The following CEP170 variants were observed in gnomAD, a reference collection of about 807,000 sequenced individuals.
CEP170 encodes centrosomal protein 170.
A neutral mutation model predicts 151.9 loss-of-function variants in CEP170; 21 were observed. That is an observed-to-expected ratio of 0.14 (90% CI 0.10 to 0.20). The LOEUF is 0.20. Ranked by LOEUF, CEP170 falls within the 10% of genes least tolerant of loss-of-function variation. The probability of loss-of-function intolerance (pLI) is 1.00; values close to 1 mark genes in which losing one functional copy is unlikely to be tolerated. For missense variants in CEP170, 964 were observed against 1,892.9 expected, an observed-to-expected ratio of 0.51 and a Z score of 9.11; for synonymous variants, 356 against 648.8, an observed-to-expected ratio of 0.55 and a Z score of 6.86.
At position 243,179,868 on chromosome 1, in the gene CEP170, A is replaced by G. The variant is rs543976272; in HGVS notation, c.1566+5911T>C. ...AATAAACCAGACGGAAGTGAGTTCT[A>G]TAAAGAAAACACAACATGGCAATCT... On this transcript the variant is annotated intron_variant, in intron 10 of 19. Transcript: ENST00000366542. 1.4e-4 allele frequency among the ~76,000 whole-genome samples: 21 copies of G among 152,382 alleles called. No individual in the cohort carries two copies. In the South Asian group the frequency reaches 3.3e-3, roughly 24 times the overall value.
chr1:243,176,050 C>T (rs1340372299), intron 10 of CEP170, among the ~76,000 whole-genome samples: 4 of 152,216 alleles, frequency 2.6e-5, no homozygotes, highest in Non-Finnish European at 1.5e-5. Flanking sequence ...CCTGCCTCAG[C>T]CTCCCAAAGT....
intron 1 of CEP170, among the ~76,000 whole-genome samples, chr1:243,238,284 T>C (rs2064445517): frequency 6.6e-6 from 1 of 151,936 alleles, no homozygotes; most frequent in African/African-American, 2.4e-5. Flanking sequence ...ACCCTGTCTC[T>C]ACAAAAAAAT....
rs1289651215 is a variant in CEP170, at chr1:243,126,229, A to G, written c.*220T>C. 1.5e-6 allele frequency: 1 copy of G among 659,108 alleles called. No homozygotes were observed. The highest frequency in any genetic ancestry group is 2.8e-6 in the Non-Finnish European group (1 of 355,892). 40.8% of individuals were successfully genotyped at this position (659,108 alleles called of 1,614,324 possible). On this transcript the variant is annotated 3_prime_UTR_variant, in exon 20 of 20. Transcript: ENST00000366542. ...AACCACAAAAGGCGACACTGCCACA[A>G]TCTGCTTTTTCCTATTTGTGCATCA...
chr1:243,209,654 T>C (rs2061648144), intron 4 of CEP170, among the ~76,000 whole-genome samples: 1 of 151,912 alleles, frequency 6.6e-6, no homozygotes, highest in South Asian at 2.1e-4. Context: ...AAATTACGTA[T>C]ATAATATAAT....
chr1:243,145,522 C>A (rs2056365397), intron 14 of CEP170, among the ~76,000 whole-genome samples: 1 of 152,258 alleles, frequency 6.6e-6, no homozygotes, highest in Non-Finnish European at 1.5e-5. Flanking sequence ...ATCCGCCCGC[C>A]TTGGTCTCCC....
At chr1:243,174,782 G>T (rs539391478) in intron 10 of CEP170, among the ~76,000 whole-genome samples, 9 of 152,140 alleles carry the variant, frequency 5.9e-5, no homozygotes, top group African/African-American at 2.2e-4. Context: ...TAACATTAGC[G>T]TTAAGTTTAA....
At chr1:243,232,836 C>T (rs1276125730) in intron 1 of CEP170, among the ~76,000 whole-genome samples, 1 of 152,208 alleles carries the variant, frequency 6.6e-6, no homozygotes, top group Non-Finnish European at 1.5e-5. Context: ...TGGTATCATT[C>T]TAAACCAGCA....
At chr1:243,172,645 A>G in intron 11 of CEP170, 52 bp downstream of exon 11, 2 of 1,428,992 alleles carry the variant, frequency 1.4e-6, no homozygotes, top group Non-Finnish European at 1.8e-6. Flanking sequence ...CAAGAAAAAA[A>G]AAAGAATTTA....
chr1:243,199,772 TTC>T (rs2060903119), intron 6 of CEP170, among the ~76,000 whole-genome samples: 2 of 151,750 alleles, frequency 1.3e-5, no homozygotes, highest in African/African-American at 4.8e-5. Flanking sequence ...AAAAACTTGT[TTC>T]TGTTTGAATG....
At chr1:243,243,510 A>G (rs1338264946) in intron 1 of CEP170, among the ~76,000 whole-genome samples, 1 of 150,684 alleles carries the variant, frequency 6.6e-6, no homozygotes, top group Non-Finnish European at 1.5e-5. Context: ...TTATTTATTT[A>G]TTTATTTATT....
chr1:243,240,047 C>T (rs1037150891), intron 1 of CEP170, among the ~76,000 whole-genome samples: 13 of 152,066 alleles, frequency 8.5e-5, no homozygotes, highest in Admixed American at 5.2e-4. Context: ...ACAATCTGGC[C>T]GGGCTGTAAT....
chr1:243,249,227 A>G (rs905674314), intron 1 of CEP170, among the ~76,000 whole-genome samples: 1 of 152,024 alleles, frequency 6.6e-6, no homozygotes, highest in African/African-American at 2.4e-5. Context: ...GGAATTCAAG[A>G]CCAGCCTTGG....
intron 13 of CEP170, among the ~76,000 whole-genome samples, chr1:243,160,929 T>C (rs1431910277): frequency 6.6e-6 from 1 of 152,090 alleles, no homozygotes; most frequent in Non-Finnish European, 1.5e-5. Flanking sequence ...TAAAACATAA[T>C]GAAAACCAAG....
In CEP170 at chr1:243,191,182, C is replaced by A; in HGVS notation, c.944G>T (p.Gly315Val). The A allele has an allele frequency of 1.2e-6, 2 of 1,611,996 alleles. No homozygotes were observed. Among genetic ancestry groups the A allele is most frequent in the South Asian group, 2.2e-5 (2 of 90,712 alleles). Residue 315 changes from glycine to valine, a missense_variant, in exon 8 of 20, where the codon GGA (glycine) becomes GTA (valine). Physicochemically the swap from Gly to Val is moderately radical, Grantham distance 109. Coordinates refer to ENST00000366542, the MANE Select transcript of CEP170 (RefSeq NM_014812.3). ...QRHKSKKSSPGTQDLLGIQTG... is the reference protein window; with the variant it reads ...QRHKSKKSSPVTQDLLGIQTG... ...TTGAATCCCCAGCAAGTCTTGAGTT[C>A]CAGGAGAAGACTTCTTGGACTTGTG...
chr1:243,232,551 G>C (rs541439477), intron 1 of CEP170, among the ~76,000 whole-genome samples: 1 of 152,076 alleles, frequency 6.6e-6, no homozygotes, highest in Non-Finnish European at 1.5e-5. Context: ...ATACTGTAAC[G>C]ATATGATTAC....
chr1:243,154,157 A>G (rs1304581857), intron 14 of CEP170, among the ~76,000 whole-genome samples: 1 of 152,278 alleles, frequency 6.6e-6, no homozygotes. Context: ...CAAAGTGCTG[A>G]TCAAGTGAAA....
intron 13 of CEP170, among the ~76,000 whole-genome samples, chr1:243,163,770 C>T (rs2058245883): frequency 6.6e-6 from 1 of 151,944 alleles, no homozygotes; most frequent in Non-Finnish European, 1.5e-5. Context: ...TGAGACATTT[C>T]AAAATGGGTA....
rs1159855268 is a variant in CEP170 at position 243,152,784 on chromosome 1, G to A, written c.3911+3437C>T. On this transcript the variant is annotated intron_variant, in intron 14 of 19. Transcript: ENST00000366542. ...CTGACCTCGTGATCTGCCTGCCTCG[G>A]CCTCCCAAAGTGCTGGGATTACAGG... is the stretch of plus-strand genomic sequence containing the variant. 1.0e-4 allele frequency among the ~76,000 whole-genome samples: 15 copies of A among 147,958 alleles called. No homozygotes were observed. The East Asian group carries it at 1.2e-3, about 12-fold the overall frequency.
At chr1:243,141,031 C>A (rs1182764798) in intron 15 of CEP170, among the ~76,000 whole-genome samples, 3 of 152,106 alleles carry the variant, frequency 2.0e-5, no homozygotes, top group Non-Finnish European at 2.9e-5. Flanking sequence ...GATGAAGTAT[C>A]ATTTATTAAG....
Sources: allele counts gnomAD v4.1 joint callset (sites outside exome capture counted in the v4.1 genomes callset), GRCh38; gene constraint gnomAD v4.1.1; transcripts MANE v1.5; gene names NCBI Gene and HGNC (gene_info 2026-07-23, HGNC 2026-07-21).